Variants in USP35 observed in about 807,000 individuals in gnomAD.
USP35 encodes the protein ubiquitin specific peptidase 35, also known as ubiquitin carboxyl-terminal hydrolase 35.
A neutral mutation model predicts 83.8 loss-of-function variants in USP35; 69 were observed. That is an observed-to-expected ratio of 0.82 (90% confidence interval 0.68 to 1.01). The LOEUF is 1.01. Among genes scored for constraint, USP35 ranks in the 50% least tolerant of loss-of-function variants. The probability of loss-of-function intolerance (pLI) is 0.00; values close to 1 mark genes in which losing one functional copy is unlikely to be tolerated. For synonymous variants in USP35, 714 were observed against 589.5 expected (o/e 1.21, Z -3.06); for missense variants, 1,503 against 1,362.5 (o/e 1.10, Z -1.62).
intron 10 of USP35, among the ~76,000 whole-genome samples, chr11:78,213,340 C>G (rs573224419): frequency 1.3e-5 from 2 of 152,108 alleles, no homozygotes; most frequent in Non-Finnish European, 2.9e-5. Flanking sequence ...GACAGGTTCC[C>G]GTGTGGTGTG....
the USP35 span, chr11:78,222,139 T>C: frequency 6.2e-7 from 1 of 1,613,922 alleles, no homozygotes; most frequent in Non-Finnish European, 8.5e-7. Flanking sequence ...ATAGGTGACT[T>C]GAAGGGGAGT....
At chr11:78,190,065 G>A (rs1452525754) in intron 1 of USP35, among the ~76,000 whole-genome samples, 1 of 152,088 alleles carries the variant, frequency 6.6e-6, no homozygotes, top group South Asian at 2.1e-4. Flanking sequence ...GGCTGGCTTC[G>A]AGGGTCAGAG....
At position 78,196,764 on chromosome 11, in the gene USP35, C is replaced by T; in HGVS notation, c.519C>T (p.Gly173=). 5.9e-6 allele frequency: 9 copies of T among 1,532,972 alleles called. No homozygotes were observed. The highest frequency in any genetic ancestry group is 1.9e-4 in the Middle Eastern group (1 of 5,260). The allele number at this position is 1,532,972 out of a possible 1,614,324, so 95.0% of individuals were successfully genotyped here. Residue 173 remains glycine (G), a synonymous_variant, in exon 2 of 11, where the codon GGC becomes GGT. Coordinates refer to ENST00000529308, the MANE Select transcript of USP35 (RefSeq NM_020798.4). The surrounding 1 kb of genome is among the most constrained non-coding windows in gnomAD (Gnocchi z 4.8). ...LFCQQLVRCL[G]RFRCPAEGEE... is the part of the protein sequence containing the mutation. Reference sequence around the variant, plus strand: ...GCCAGCAGCTGGTGCGTTGCCTCGGCCGCTTCCGCTGCCCAGCCGAAGGCG... The same window carrying T: ...GCCAGCAGCTGGTGCGTTGCCTCGGTCGCTTCCGCTGCCCAGCCGAAGGCG...
downstream of USP35, chr11:78,215,544 A>G (rs1000877288): frequency 6.6e-6 from 1 of 152,632 alleles, no homozygotes; most frequent in African/African-American, 2.4e-5. Flanking sequence ...AATGGTAACA[A>G]GACAAGAACT....
Position 78,207,515 on chromosome 11 carries a change from T to C in USP35, c.1392-15T>C, listed in dbSNP as rs753638849. On this transcript the variant is annotated splice_polypyrimidine_tract_variant and intron_variant, in intron 7 of 10. Coordinates refer to ENST00000529308, the MANE Select transcript of USP35 (RefSeq NM_020798.4). ...GCCCATGGCTTACCCTGGGTGCCCC[T>C]GCTTTGTTTTGAAGCTTCAGACATT... The C allele has an allele frequency of 1.2e-6, 2 of 1,613,780 alleles. No homozygotes were observed. Among genetic ancestry groups the C allele is most frequent in the Non-Finnish European group, 1.7e-6 (2 of 1,179,912 alleles).
rs1386652105 is a variant in USP35, at chr11:78,214,978, G to T, written c.*1165G>T. On this transcript the variant is annotated 3_prime_UTR_variant, in exon 11 of 11. Transcript: ENST00000529308. ...AGCCTTTACCTACCTCCTTCCCCAGGGGCTGCCTGCTGTGATGGTGGTGTG... is the reference window on the plus strand; with the variant it reads ...AGCCTTTACCTACCTCCTTCCCCAGTGGCTGCCTGCTGTGATGGTGGTGTG... Among the ~76,000 whole-genome samples, 1 of 152,090 alleles carries T rather than the reference G, an allele frequency of 6.6e-6. No individual in the cohort carries two copies. The highest frequency in any genetic ancestry group is 1.5e-5 in the Non-Finnish European group (1 of 68,030).
the USP35 span, among the ~76,000 whole-genome samples, chr11:78,231,453 G>T: frequency 2.0e-5 from 3 of 152,044 alleles, no homozygotes; most frequent in Non-Finnish European, 4.4e-5. Flanking sequence ...GGTTCAAAGC[G>T]ATTCTCCTGC....
chr11:78,200,917 C>T, intron 6 of USP35, 109 bp downstream of exon 6: 2 of 1,434,766 alleles, frequency 1.4e-6, no homozygotes, highest in Non-Finnish European at 1.9e-6. Flanking sequence ...TCATTTGGTG[C>T]CTGGCTGTCT....
chr11:78,232,574 G>A, the USP35 span, among the ~76,000 whole-genome samples: 1 of 152,196 alleles, frequency 6.6e-6, no homozygotes, highest in Admixed American at 6.5e-5. Flanking sequence ...CTCAGTGGAA[G>A]ACCTGCATTT....
Position 78,201,859 on chromosome 11 carries a change from G to A in USP35, c.1197+1051G>A, listed in dbSNP as rs567344909. 3.9e-5 allele frequency among the ~76,000 whole-genome samples: 6 copies of A among 152,256 alleles called. No individual in the cohort carries two copies. The East Asian group carries it at 1.2e-3, about 29-fold the overall frequency. On this transcript the variant is annotated intron_variant, in intron 6 of 10. Coordinates refer to ENST00000529308, the MANE Select transcript of USP35 (RefSeq NM_020798.4). ...AGAGCCTTCCCCATTGCCTGATAGA[G>A]AAGGCAGGTTGGGTGGGGTGAAGGG...
At chr11:78,213,502 A>G in intron 10 of USP35, 144 bp from the exon 11 acceptor site, 1 of 941,484 alleles carries the variant, frequency 1.1e-6, no homozygotes, top group Non-Finnish European at 1.4e-6. Context: ...CACCCCGGAT[A>G]TCCTGCCACT....
the USP35 span, among the ~76,000 whole-genome samples, chr11:78,222,675 T>G: frequency 6.6e-6 from 1 of 152,036 alleles, no homozygotes; most frequent in East Asian, 1.9e-4. Flanking sequence ...CTCTGCCTCC[T>G]GAGTTCAAGT....
chr11:78,223,125 T>C, the USP35 span, among the ~76,000 whole-genome samples: 2 of 152,146 alleles, frequency 1.3e-5, no homozygotes, highest in African/African-American at 4.8e-5. Flanking sequence ...GAGAGTGAGA[T>C]TGTAGCAGAC....
intron 8 of USP35, among the ~76,000 whole-genome samples, chr11:78,208,063 A>G (rs992873993): frequency 7.9e-5 from 12 of 152,196 alleles, no homozygotes; most frequent in Non-Finnish European, 1.8e-4. Context: ...GAGAGCATGC[A>G]TGAGAGAAGG....
intron 2 of USP35, 55 bp from the exon 3 acceptor site, chr11:78,197,880 TG>T: frequency 6.3e-7 from 1 of 1,587,350 alleles, no homozygotes. Context: ...CATGGTGTGC[TG>T]GGGGAAGGGA....
chr11:78,200,122 C>G lies in USP35; in HGVS notation c.937-11C>G. The G allele has an allele frequency of 5.0e-6, 8 of 1,614,140 alleles. No individual in the cohort carries two copies. Among genetic ancestry groups the G allele is most frequent in the Non-Finnish European group, 6.8e-6 (8 of 1,179,980 alleles). The stretch of plus-strand genomic sequence containing the variant: ...AAGCCTGGGGACTCCTGACCAGGGA[C>G]TCTCTTGTAGGTTTTCTCTAAGCTG... On this transcript the variant is annotated splice_polypyrimidine_tract_variant and intron_variant, in intron 4 of 10. Coordinates refer to ENST00000529308, the MANE Select transcript of USP35 (RefSeq NM_020798.4).
At chr11:78,215,591 G>A (rs530183160), downstream of USP35, 25 of 152,506 alleles carry the variant, frequency 1.6e-4, no homozygotes, top group South Asian at 5.2e-3. Flanking sequence ...TTCTCTTCCT[G>A]ACAAACAGTG....
At chr11:78,201,747 T>C (rs558692137) in intron 6 of USP35, among the ~76,000 whole-genome samples, 48 of 152,112 alleles carry the variant, frequency 3.2e-4, no homozygotes, top group Non-Finnish European at 6.3e-4. Flanking sequence ...TTCAATCTCA[T>C]AGATGAGGAA....
At chr11:78,198,117 C>G (rs567994637) in intron 3 of USP35, 49 bp downstream of exon 3, 5 of 1,610,196 alleles carry the variant, frequency 3.1e-6, no homozygotes, top group South Asian at 1.1e-5. Flanking sequence ...CCCTCCCTCT[C>G]TTCCTCTCAG....
Sources: gnomAD v4.1 joint callset for allele counts (sites outside exome capture counted in the v4.1 genomes callset) on GRCh38, gnomAD v4.1.1 for gene constraint, Gnocchi (gnomAD v3.1) non-coding constraint, MANE v1.5 for transcripts, NCBI Gene and HGNC (gene_info 2026-07-23, HGNC 2026-07-21) for gene names.